The following PTPN14 variants were observed in gnomAD, a reference collection of about 807,000 sequenced individuals.
PTPN14 encodes the protein protein tyrosine phosphatase non-receptor type 14.
Under a neutral mutation model 126.8 loss-of-function variants are expected in PTPN14, and 53 were observed. The ratio of observed to expected loss-of-function variants is 0.42; its 90% CI spans 0.34 to 0.53. PTPN14 has a LOEUF of 0.53. Among genes scored for constraint, PTPN14 ranks in the 20% least tolerant of loss-of-function variants. The pLI, the probability that PTPN14 is intolerant of heterozygous loss-of-function variation, is 0.08. For missense variants in PTPN14, 1,257 were observed against 1,552.9 expected, an observed-to-expected ratio of 0.81 and a Z score of 3.20; for synonymous variants, 630 against 599.3, an observed-to-expected ratio of 1.05 and a Z score of -0.75.
intron 2 of PTPN14, among the ~76,000 whole-genome samples, chr1:214,458,219 T>C (rs1660428539): frequency 6.6e-6 from 1 of 152,034 alleles, no homozygotes; most frequent in Middle Eastern, 3.2e-3. Context: ...CTGGCTAATT[T>C]TTTATTTTTT....
Position 214,383,933 on chromosome 1 carries a change from T to C in PTPN14, c.1922A>G (p.His641Arg). 4.3e-6 allele frequency: 7 copies of C among 1,613,292 alleles called. No individual in the cohort carries two copies. Among genetic ancestry groups the C allele is most frequent in the Non-Finnish European group, 5.9e-6 (7 of 1,180,008 alleles). ...TKHHGTVNKR[H>R]SLEVMNSMVR... ...CATGCTGTTCATCACCTCCAGGCTG[T>C]GGCGCTTGTTCACAGTGCCGTGGTG... The change falls in exon 13 of 19, where the codon CAC becomes CGC. Residue 641 changes from histidine (H) to arginine (R), a missense_variant. His to Arg is a conservative substitution (Grantham distance 29). Around this residue, in one of 3 missense-constraint regions of PTPN14, gnomAD observed 1,021 missense variants for 1,183.3 expected, o/e 0.86. Coordinates refer to ENST00000366956, the MANE Select transcript of PTPN14 (RefSeq NM_005401.5). The surrounding 1 kb of genome is among the most constrained non-coding windows in gnomAD (Gnocchi z 4.4).
chr1:214,511,462 A>G (rs1370096488), intron 1 of PTPN14, among the ~76,000 whole-genome samples: 1 of 151,322 alleles, frequency 6.6e-6, no homozygotes, highest in Non-Finnish European at 1.5e-5. Flanking sequence ...ACAATGAGGT[A>G]TCACCTCACA....
At chr1:214,427,208 T>A (rs761511493) in intron 3 of PTPN14, among the ~76,000 whole-genome samples, 2 of 144,892 alleles carry the variant, frequency 1.4e-5, no homozygotes, top group Non-Finnish European at 3.0e-5. Context: ...AACCAGGGAG[T>A]TGGAGTTTGC....
intron 3 of PTPN14, among the ~76,000 whole-genome samples, chr1:214,418,670 T>A (rs1659477375): frequency 1.3e-5 from 2 of 152,254 alleles, no homozygotes; most frequent in South Asian, 2.1e-4. Flanking sequence ...CCACCCCTAC[T>A]TAGACAGTCT....
chr1:214,421,810 C>T (rs1408839682), intron 3 of PTPN14, among the ~76,000 whole-genome samples: 1 of 152,172 alleles, frequency 6.6e-6, no homozygotes, highest in Non-Finnish European at 1.5e-5. Flanking sequence ...GGTCTAACCA[C>T]CCTTGCCTAT....
At chr1:214,509,078 A>G (rs1007135096) in intron 1 of PTPN14, among the ~76,000 whole-genome samples, 1 of 152,218 alleles carries the variant, frequency 6.6e-6, no homozygotes, top group Non-Finnish European at 1.5e-5. Context: ...GGAATGATCA[A>G]TGAGCACTTA....
rs1345357408 is a variant in PTPN14, at chr1:214,348,873, CAG to C, written c.*9047_*9048del. ...ATATCTAAATAAGACTTTATAAAAA[CAG>C]ATAGGAAACAGTGCAAAAAATACTG... On this transcript the variant is annotated 3_prime_UTR_variant, in exon 19 of 19. Transcript: ENST00000366956. The C allele has an allele frequency of 6.6e-6, 1 of 152,082 alleles. No homozygotes were observed. Among genetic ancestry groups the C allele is most frequent in the Non-Finnish European group, 1.5e-5 (1 of 68,002 alleles). 9.4% of individuals were successfully genotyped at this position (152,082 alleles called of 1,614,324 possible). A position where few individuals can be genotyped will look rare whatever the true frequency, so the allele number is the denominator to read the frequency against.
chr1:214,432,250 T>C (rs1414802106), intron 3 of PTPN14, among the ~76,000 whole-genome samples: 1 of 152,076 alleles, frequency 6.6e-6, no homozygotes, highest in Non-Finnish European at 1.5e-5. Context: ...CTTGCTTTTA[T>C]GATTACTGAT....
chr1:214,492,252 A>C (rs1661267323), intron 1 of PTPN14, among the ~76,000 whole-genome samples: 1 of 152,172 alleles, frequency 6.6e-6, no homozygotes, highest in African/African-American at 2.4e-5. Context: ...CCTGCCCCCC[A>C]AAAGGCAGAA....
chr1:214,366,018 A>G (rs1427092760), intron 17 of PTPN14, among the ~76,000 whole-genome samples: 1 of 152,166 alleles, frequency 6.6e-6, no homozygotes, highest in African/African-American at 2.4e-5. Context: ...TACAAAAATC[A>G]GTCGGATGTG....
chr1:214,415,606 C>T (rs963559012), intron 3 of PTPN14, among the ~76,000 whole-genome samples: 3 of 152,172 alleles, frequency 2.0e-5, no homozygotes, highest in Non-Finnish European at 4.4e-5. Context: ...CAAGGGAACC[C>T]ATAAGTGAAC....
At chr1:214,411,044 A>G (rs1659297166) in intron 5 of PTPN14, among the ~76,000 whole-genome samples, 1 of 152,202 alleles carries the variant, frequency 6.6e-6, no homozygotes, top group African/African-American at 2.4e-5. Flanking sequence ...TTTGGCAGAC[A>G]TTTTAACAAT....
chr1:214,530,337 C>CTTTTTTTTTTTTTTTTTTTTTT (rs1219471589), intron 1 of PTPN14: 2 of 129,082 alleles, frequency 1.5e-5, no homozygotes, highest in African/African-American at 3.0e-5. Context: ...CTTTTCTTTT[C>CTTTTTTTTTTTTTTTTTTTTTT]TTTTTTTTTT....
chr1:214,358,518 C>A (rs1657879263), intron 18 of PTPN14, among the ~76,000 whole-genome samples: 1 of 152,208 alleles, frequency 6.6e-6, no homozygotes, highest in Non-Finnish European at 1.5e-5. Context: ...AACTCCCCTG[C>A]AACCCAATGA....
chr1:214,518,086 T>C (rs911702217), intron 1 of PTPN14, among the ~76,000 whole-genome samples: 1 of 152,228 alleles, frequency 6.6e-6, no homozygotes, highest in Admixed American at 6.5e-5. Flanking sequence ...CCATATTTAT[T>C]TCACCTAGCA....
chr1:214,496,383 G>A (rs551295277), intron 1 of PTPN14, among the ~76,000 whole-genome samples: 1 of 152,246 alleles, frequency 6.6e-6, no homozygotes, highest in South Asian at 2.1e-4. Context: ...GTTCAGCCAA[G>A]GTCCTCAGGG....
intron 1 of PTPN14, among the ~76,000 whole-genome samples, chr1:214,511,270 C>T (rs1197351460): frequency 1.3e-5 from 2 of 152,052 alleles, no homozygotes; most frequent in African/African-American, 4.8e-5. Context: ...AAGACTTTCC[C>T]GTACTACAAA....
At chr1:214,382,946 C>A (rs1658508443) in intron 13 of PTPN14, among the ~76,000 whole-genome samples, 1 of 152,178 alleles carries the variant, frequency 6.6e-6, no homozygotes, top group Admixed American at 6.5e-5. Flanking sequence ...TCTTTAATAC[C>A]TAACTGGATG....
intron 1 of PTPN14, among the ~76,000 whole-genome samples, chr1:214,526,909 T>C (rs567608217): frequency 3.7e-4 from 56 of 152,166 alleles, no homozygotes; most frequent in Admixed American, 8.5e-4. Flanking sequence ...CTGACCAATA[T>C]TGAGAAACCC....
Sources: gnomAD v4.1 joint callset for allele counts (sites outside exome capture counted in the v4.1 genomes callset) on GRCh38, gnomAD v4.1.1 for gene constraint, gnomAD v4.1.1 regional missense constraint, Gnocchi (gnomAD v3.1) non-coding constraint, MANE v1.5 for transcripts, NCBI Gene and HGNC (gene_info 2026-07-23, HGNC 2026-07-21) for gene names.